Variants in HS6ST3 observed in about 807,000 individuals in gnomAD.
HS6ST3 encodes the protein heparan sulfate 6-O-sulfotransferase 3.
Under a neutral mutation model 36.7 loss-of-function variants are expected in HS6ST3, and 12 were observed. That is an observed-to-expected ratio of 0.33 (90% confidence interval 0.21 to 0.53). The LOEUF is 0.53. Among genes scored for constraint, HS6ST3 ranks in the 20% least tolerant of loss-of-function variants. HS6ST3 has a pLI of 0.95. For synonymous variants in HS6ST3, 240 were observed against 257.5 expected, an observed-to-expected ratio of 0.93 and a Z score of 0.65; for missense variants, 584 against 640.9, an observed-to-expected ratio of 0.91 and a Z score of 0.96.
At chr13:96,795,604 A>C (rs1034123883) in intron 1 of HS6ST3, among the ~76,000 whole-genome samples, 4 of 152,122 alleles carry the variant, frequency 2.6e-5, no homozygotes, top group Admixed American at 2.6e-4. Flanking sequence ...TTCAAACAAA[A>C]ATGCAACAGG....
chr13:96,209,152 A>C (rs2054386417), intron 1 of HS6ST3, among the ~76,000 whole-genome samples: 1 of 152,204 alleles, frequency 6.6e-6, no homozygotes, highest in African/African-American at 2.4e-5. Context: ...CAATATAGTA[A>C]TATAGATGGA....
chr13:96,091,578 G>T lies in HS6ST3; in HGVS notation c.707+9G>T, dbSNP rs764231083. The T allele has an allele frequency of 3.2e-6, 5 of 1,556,890 alleles. No individual in the cohort carries two copies. In the South Asian group the frequency reaches 4.7e-5, roughly 15 times the overall value. Reference sequence around the variant, plus strand: ...AACCACAGCCACACCAGGTACTGTCGCCCGCTGGGTCTCTGTTCTTCCCCC... The same window carrying T: ...AACCACAGCCACACCAGGTACTGTCTCCCGCTGGGTCTCTGTTCTTCCCCC... On this transcript the variant is annotated intron_variant, in intron 1 of 1. Coordinates refer to ENST00000376705, the MANE Select transcript of HS6ST3 (RefSeq NM_153456.4).
intron 1 of HS6ST3, among the ~76,000 whole-genome samples, chr13:96,238,537 T>C (rs1468588885): frequency 6.6e-6 from 1 of 152,264 alleles, no homozygotes; most frequent in Non-Finnish European, 1.5e-5. Flanking sequence ...TAAATGCAGT[T>C]AATTCAGAGA....
chr13:96,137,867 C>A (rs924637851), intron 1 of HS6ST3, among the ~76,000 whole-genome samples: 1 of 152,192 alleles, frequency 6.6e-6, no homozygotes, highest in Non-Finnish European at 1.5e-5. Context: ...TTCTTTCTGA[C>A]CTCATTACTT....
chr13:96,688,183 CATT>C (rs1166484156), intron 1 of HS6ST3, among the ~76,000 whole-genome samples: 2 of 146,714 alleles, frequency 1.4e-5, no homozygotes, highest in African/African-American at 5.2e-5. Context: ...CAAACCTGGA[CATT>C]GTGCACATGT....
intron 1 of HS6ST3, among the ~76,000 whole-genome samples, chr13:96,113,626 C>T (rs765910082): frequency 2.8e-4 from 43 of 152,202 alleles, no homozygotes; most frequent in South Asian, 8.3e-4. Context: ...ATATAATATT[C>T]GGTTCTCATG....
chr13:96,509,747 C>T (rs920223950), intron 1 of HS6ST3, among the ~76,000 whole-genome samples: 4 of 152,122 alleles, frequency 2.6e-5, no homozygotes, highest in African/African-American at 9.7e-5. Flanking sequence ...GTAACGGTAG[C>T]CATGTAGTAT....
intron 1 of HS6ST3, among the ~76,000 whole-genome samples, chr13:96,615,828 C>G (rs1388805667): frequency 6.6e-6 from 1 of 152,182 alleles, no homozygotes; most frequent in Non-Finnish European, 1.5e-5. Flanking sequence ...GATTTCATAT[C>G]CACACTGGTA....
intron 1 of HS6ST3, among the ~76,000 whole-genome samples, chr13:96,655,970 A>G (rs1214283167): frequency 6.6e-6 from 1 of 152,222 alleles, no homozygotes; most frequent in Admixed American, 6.6e-5. Flanking sequence ...TGTTATTATG[A>G]TTACCACAAT....
intron 1 of HS6ST3, among the ~76,000 whole-genome samples, chr13:96,132,589 A>G (rs147601641): frequency 0.023 from 3,505 of 152,084 alleles, 60 homozygotes; most frequent in Non-Finnish European, 0.034. Flanking sequence ...AGTTTTTTGT[A>G]GAGATGGGGT....
chr13:96,191,467 G>A (rs1376092121), intron 1 of HS6ST3, among the ~76,000 whole-genome samples: 6 of 152,108 alleles, frequency 3.9e-5, no homozygotes, highest in African/African-American at 9.7e-5. Context: ...TGTGCATTCT[G>A]TTTCTTCTCC....
chr13:96,117,839 G>C (rs1478665019), intron 1 of HS6ST3, among the ~76,000 whole-genome samples: 3 of 151,852 alleles, frequency 2.0e-5, no homozygotes, highest in African/African-American at 7.3e-5. Flanking sequence ...ATTTATGGTT[G>C]AAGTCCTCAC....
Position 96,838,944 on chromosome 13 carries a change from G to C in HS6ST3, c.*5746G>C, listed in dbSNP as rs1012965239. 34 of 152,200 alleles carry C rather than the reference G, an allele frequency of 2.2e-4. No homozygotes were observed. The highest frequency in any genetic ancestry group is 7.7e-4 in the African/African-American group (32 of 41,444). 9.4% of individuals were successfully genotyped at this position (152,200 alleles called of 1,614,324 possible). A position where few individuals can be genotyped will look rare whatever the true frequency, so the allele number is the denominator to read the frequency against. On this transcript the variant is annotated 3_prime_UTR_variant, in exon 2 of 2. Transcript: ENST00000376705. ...TGCTAACCTAGCAGTACTCCAGATT[G>C]AGAACGCAGATGGACAGGTGTCTCT... is the stretch of plus-strand genomic sequence containing the variant.
intron 1 of HS6ST3, among the ~76,000 whole-genome samples, chr13:96,289,734 G>A (rs2054820455): frequency 6.6e-6 from 1 of 152,140 alleles, no homozygotes. Flanking sequence ...ATTTGAGTAT[G>A]GCAGATGCTA....
At position 96,198,151 on chromosome 13, in the gene HS6ST3, G is replaced by A. The variant is rs527629334; in HGVS notation, c.707+106582G>A. Reference sequence around the variant, plus strand: ...TACACCCTCTGAAGCCACAGCCTGAGCTACATGTTAGTCCCTTTCAGCATG... The same window carrying A: ...TACACCCTCTGAAGCCACAGCCTGAACTACATGTTAGTCCCTTTCAGCATG... On this transcript the variant is annotated intron_variant, in intron 1 of 1. Coordinates refer to ENST00000376705, the MANE Select transcript of HS6ST3 (RefSeq NM_153456.4). Among the ~76,000 whole-genome samples, 21 of 152,350 alleles carry A rather than the reference G, an allele frequency of 1.4e-4. 1 individual carries two copies. The highest frequency in any genetic ancestry group is 3.1e-4 in the African/African-American group (13 of 41,590).
At chr13:96,642,015 C>G (rs531741049) in intron 1 of HS6ST3, among the ~76,000 whole-genome samples, 1 of 151,892 alleles carries the variant, frequency 6.6e-6, no homozygotes, top group South Asian at 2.1e-4. Context: ...TTACTGTTTA[C>G]TGTTCTTTTA....
chr13:96,204,877 A>T (rs892833256), intron 1 of HS6ST3, among the ~76,000 whole-genome samples: 1 of 152,218 alleles, frequency 6.6e-6, no homozygotes, highest in Non-Finnish European at 1.5e-5. Context: ...TTGAATGCCC[A>T]CATCAAAAAG....
At chr13:96,663,417 G>A (rs563099271) in intron 1 of HS6ST3, among the ~76,000 whole-genome samples, 68 of 152,236 alleles carry the variant, frequency 4.5e-4, no homozygotes, top group African/African-American at 1.6e-3. Flanking sequence ...AACATCATGA[G>A]TCATTAGGGA....
intron 1 of HS6ST3, among the ~76,000 whole-genome samples, chr13:96,258,034 T>C (rs2139381407): frequency 6.6e-6 from 1 of 152,348 alleles, no homozygotes; most frequent in East Asian, 1.9e-4. Context: ...ATTTTAATCA[T>C]TGTCATAAAA....
Sources: gnomAD v4.1 joint callset for allele counts (sites outside exome capture counted in the v4.1 genomes callset) on GRCh38, gnomAD v4.1.1 for gene constraint, MANE v1.5 for transcripts, NCBI Gene and HGNC (gene_info 2026-07-23, HGNC 2026-07-21) for gene names.